SLC22A31: variants seen among roughly 807,000 people sequenced by gnomAD.
The protein encoded by SLC22A31 is solute carrier family 22 member 31.
A neutral mutation model predicts 27.4 loss-of-function variants in SLC22A31; 42 were observed. The observed-to-expected ratio is 1.53, with a 90% CI of 1.20 to 1.98. The LOEUF (loss-of-function observed/expected upper bound fraction) is 1.98. Ranked by LOEUF, SLC22A31 falls within the 30% of genes most tolerant of loss-of-function variation. The pLI is 0.00. For missense variants in SLC22A31, 593 were observed against 479.9 expected, an observed-to-expected ratio of 1.24 and a Z score of -2.20; for synonymous variants, 290 against 230.8, an observed-to-expected ratio of 1.26 and a Z score of -2.33.
At chr16:89,201,647 C>A (rs957559653), upstream of SLC22A31, 13 of 397,444 alleles carry the variant, frequency 3.3e-5, no homozygotes, top group Non-Finnish European at 2.7e-5. Context: ...CTCTCAGCAC[C>A]CGCGCCTCCT....
Position 89,198,497 on chromosome 16 carries a change from CCAGT to C in SLC22A31, c.648_651del (p.Leu217GlyfsTer60). 3 of 1,518,584 alleles carry C rather than the reference CCAGT, an allele frequency of 2.0e-6. No homozygotes were observed. Among genetic ancestry groups the C allele is most frequent in the Non-Finnish European group, 2.6e-6 (3 of 1,137,416 alleles). 94.1% of individuals were successfully genotyped at this position (1,518,584 alleles called of 1,614,324 possible). ...CAGGTGACTCGGGTACGCAGAAGCC[CCAGT>C]GGGGAGTGGTACCGGGGCTGGGGGC... is the stretch of plus-strand genomic sequence containing the variant. On this transcript the variant is annotated frameshift_variant, in exon 6 of 9. Transcript: ENST00000682282. LOFTEE classifies it high-confidence loss of function.
rs1424568834 is a variant in SLC22A31 at position 89,198,570 on chromosome 16, A to T, written c.599-20T>A. ...TCAGCTCTGTAGCCGCAGAGATGTG[A>T]GGGGAGGGGGGTGAGGAGCTGTGCC... On this transcript the variant is annotated intron_variant, in intron 5 of 8. Coordinates refer to ENST00000682282, the MANE Select transcript of SLC22A31 (RefSeq NM_001384763.1). 1 of 1,512,608 alleles carries T rather than the reference A, an allele frequency of 6.6e-7. No individual in the cohort carries two copies. The highest frequency in any genetic ancestry group is 2.0e-5 in the Admixed American group (1 of 49,936). 93.7% of individuals were successfully genotyped at this position (1,512,608 alleles called of 1,614,324 possible). A position where few individuals can be genotyped will look rare whatever the true frequency, so the allele number is the denominator to read the frequency against.
rs142843064 is a variant in SLC22A31 at position 89,198,697 on chromosome 16, C to T, written c.553G>A (p.Val185Met). The stretch of plus-strand genomic sequence containing the variant: ...TCCAAGGAACTGTCCCCGGGGCCCA[C>T]GCCACTGGCTTCTGCAAAGCGCCAC... ...ILWRFAEASG[V>M]GPGDSSLEEN... is the part of the protein sequence containing the mutation. Residue 185 changes from valine to methionine, a missense_variant, in exon 5 of 9, where the codon GTG (valine) becomes ATG (methionine). Val to Met is a conservative substitution (Grantham distance 21, BLOSUM62 1). Transcript: ENST00000682282. The T allele has an allele frequency of 2.9e-4, 441 of 1,535,782 alleles. 2 individuals are homozygous for T. The East Asian group carries it at 8.2e-3, about 29-fold the overall frequency.
At position 89,195,761 on chromosome 16, in the gene SLC22A31, T is replaced by G. The variant is rs1915820713; in HGVS notation, c.*238A>C. ...GGGAAGAACCAGGGAGGACGCCAAGTTCCACAGAAGCCTTTATCCTCCACA... is the reference window on the plus strand; with the variant it reads ...GGGAAGAACCAGGGAGGACGCCAAGGTCCACAGAAGCCTTTATCCTCCACA... On this transcript the variant is annotated 3_prime_UTR_variant, in exon 9 of 9. Coordinates refer to ENST00000682282, the MANE Select transcript of SLC22A31 (RefSeq NM_001384763.1). The G allele has an allele frequency of 4.4e-6, 2 of 451,118 alleles. No individual in the cohort carries two copies. Among genetic ancestry groups the G allele is most frequent in the Non-Finnish European group, 3.9e-6 (1 of 259,616 alleles). The allele number at this position is 451,118 out of a possible 1,614,324, so 27.9% of individuals were successfully genotyped here. A position where few individuals can be genotyped will look rare whatever the true frequency, so the allele number is the denominator to read the frequency against.
At position 89,199,007 on chromosome 16, in the gene SLC22A31, C is replaced by T; in HGVS notation, c.452+16G>A. On this transcript the variant is annotated intron_variant, in intron 4 of 8. Transcript: ENST00000682282. Reference sequence around the variant, plus strand: ...GCCCCGATGAGGGCTGCTGGCCCAGCTCCCACCACACTTACCCCCAAAAGA... The same window carrying T: ...GCCCCGATGAGGGCTGCTGGCCCAGTTCCCACCACACTTACCCCCAAAAGA... 2 of 1,533,198 alleles carry T rather than the reference C, an allele frequency of 1.3e-6. No individual in the cohort carries two copies. Among genetic ancestry groups the T allele is most frequent in the South Asian group, 1.2e-5 (1 of 83,884 alleles). The allele number at this position is 1,533,198 out of a possible 1,614,324, so 95.0% of individuals were successfully genotyped here. A position where few individuals can be genotyped will look rare whatever the true frequency, so the allele number is the denominator to read the frequency against.
Position 89,198,447 on chromosome 16 carries a change from G to A in SLC22A31, c.702C>T (p.Phe234=). 2.0e-6 allele frequency: 3 copies of A among 1,517,804 alleles called. No individual in the cohort carries two copies. Among genetic ancestry groups the A allele is most frequent in the Non-Finnish European group, 2.6e-6 (3 of 1,136,778 alleles). 94.0% of individuals were successfully genotyped at this position (1,517,804 alleles called of 1,614,324 possible). Residue 234 remains phenylalanine (F), a synonymous_variant, in exon 6 of 9, where the codon TTC becomes TTT. Coordinates refer to ENST00000682282, the MANE Select transcript of SLC22A31 (RefSeq NM_001384763.1). ...CCAGCCCTTCCTCGACTCACGAGCT[G>A]AAGCCCAAGATAAGCCCGTTTCTCC... ...VTWRNGLILG[F]SSLVGGGIRA... is the part of the protein sequence containing the mutation.
intron 8 of SLC22A31, 193 bp from the exon 9 acceptor site, chr16:89,196,498 G>T: frequency 1.9e-6 from 2 of 1,044,712 alleles, no homozygotes; most frequent in Non-Finnish European, 2.7e-6. Flanking sequence ...GGGGCAGCTG[G>T]TGGGGCAACA....
At chr16:89,199,329 CG>C in intron 3 of SLC22A31, 83 bp downstream of exon 3, 1 of 879,578 alleles carries the variant, frequency 1.1e-6, no homozygotes, top group Non-Finnish European at 1.7e-6. Flanking sequence ...CCCTGCAGCT[CG>C]GGGCCCTCGG....
intron 4 of SLC22A31, 66 bp downstream of exon 4, chr16:89,198,957 G>T (rs957585159): frequency 1.3e-5 from 19 of 1,511,408 alleles, no homozygotes; most frequent in East Asian, 1.2e-4. Flanking sequence ...GGGATACGTC[G>T]GTGCAGAGGG....
At chr16:89,196,535 G>T in intron 8 of SLC22A31, 1 of 725,870 alleles carries the variant, frequency 1.4e-6, no homozygotes, top group Non-Finnish European at 2.2e-6. Flanking sequence ...TGTGACTCCA[G>T]AGTGAGCAGG....
At chr16:89,198,399 A>C (rs1265695306) in intron 6 of SLC22A31, 43 bp downstream of exon 6, 28 of 1,528,196 alleles carry the variant, frequency 1.8e-5, no homozygotes, top group Non-Finnish European at 2.3e-5. Flanking sequence ...CCATATGCCC[A>C]CCCCGGGGGA....
chr16:89,199,596 C>G (rs1916353636), intron 2 of SLC22A31, 29 bp from the exon 3 acceptor site: 1 of 434,818 alleles, frequency 2.3e-6, no homozygotes, highest in Non-Finnish European at 4.1e-6. Context: ...CATGCTTGGA[C>G]AGGGTCAGGA....
rs572995617 is a variant in SLC22A31, at chr16:89,198,280, G to C, written c.764C>G (p.Pro255Arg). 7 of 1,535,932 alleles carry C rather than the reference G, an allele frequency of 4.6e-6. No homozygotes were observed. Among genetic ancestry groups the C allele is most frequent in the East Asian group, 2.4e-5 (1 of 40,918 alleles). Residue 255 changes from proline to arginine, a missense_variant, in exon 7 of 9, where the codon CCG becomes CGG. Transcript: ENST00000682282. ...SFRRSLAPQV[P>R]TFYLPYFLEA... is the part of the protein sequence containing the mutation. Reference sequence around the variant, plus strand: ...CAGGAAGTAGGGCAGGTAGAAGGTCGGCACCTGAGGTGCCAGGCTGCGGCG... The same window carrying C: ...CAGGAAGTAGGGCAGGTAGAAGGTCCGCACCTGAGGTGCCAGGCTGCGGCG...
rs990719403 is a variant in SLC22A31 at position 89,196,088 on chromosome 16, G to T, written c.1252C>A (p.Leu418Ile). The change falls in exon 9 of 9, where the codon CTC (leucine) becomes ATC (isoleucine). Residue 418 changes from leucine (L) to isoleucine (I), a missense_variant. Physicochemically the swap from Leu to Ile is conservative, Grantham distance 5. Coordinates refer to ENST00000682282, the MANE Select transcript of SLC22A31 (RefSeq NM_001384763.1). ...QDADRLRRSPLLRGRPRQDHL... is the reference protein window; with the variant it reads ...QDADRLRRSPILRGRPRQDHL... Reference sequence around the variant, plus strand: ...TCCTGGCGGGGGCGGCCCCGCAGGAGTGGGGAGCGGCGCAGGCGGTCGGCG... The same window carrying T: ...TCCTGGCGGGGGCGGCCCCGCAGGATTGGGGAGCGGCGCAGGCGGTCGGCG... 5.2e-6 allele frequency: 8 copies of T among 1,533,266 alleles called. No homozygotes were observed. The highest frequency in any genetic ancestry group is 6.1e-6 in the Non-Finnish European group (7 of 1,146,064). 95.0% of individuals were successfully genotyped at this position (1,533,266 alleles called of 1,614,324 possible). A position where few individuals can be genotyped will look rare whatever the true frequency, so the allele number is the denominator to read the frequency against.
At chr16:89,201,056 C>G (rs1916559468), upstream of SLC22A31, 1 of 366,152 alleles carries the variant, frequency 2.7e-6, no homozygotes, top group African/African-American at 2.1e-5. Context: ...CCAGATTCAG[C>G]CCCCGCCCGG....
intron 7 of SLC22A31, 120 bp from the exon 8 acceptor site, chr16:89,197,529 TC>T (rs1357585291): frequency 5.9e-6 from 4 of 673,840 alleles, no homozygotes; most frequent in Admixed American, 2.8e-5. Flanking sequence ...AGCCTCCTTT[TC>T]CAGCCCCCCT....
chr16:89,201,407 G>A (rs1223775372), upstream of SLC22A31: 2 of 373,356 alleles, frequency 5.4e-6, no homozygotes, highest in Admixed American at 9.2e-5. Context: ...GCAGGAGCAG[G>A]CAGGGGCTCG....
chr16:89,196,386 C>A lies in SLC22A31; in HGVS notation c.1035-81G>T, dbSNP rs1169336260. On this transcript the variant is annotated intron_variant, in intron 8 of 8. Transcript: ENST00000682282. ...CCAGCACCAGGCCCAGCCCGGCCCC[C>A]CTGTGGGACAGAGTGTGTTGGGGGC... 5.4e-5 allele frequency: 43 copies of A among 801,276 alleles called. No homozygotes were observed. The South Asian group carries it at 6.4e-4, about 12-fold the overall frequency. 49.6% of individuals were successfully genotyped at this position (801,276 alleles called of 1,614,324 possible).
rs1196692656 is a variant in SLC22A31, at chr16:89,195,987, C to T, written c.*12G>A. 6.8e-7 allele frequency: 1 copy of T among 1,473,644 alleles called. No homozygotes were observed. The highest frequency in any genetic ancestry group is 9.0e-7 in the Non-Finnish European group (1 of 1,115,758). 91.3% of individuals were successfully genotyped at this position (1,473,644 alleles called of 1,614,324 possible). On this transcript the variant is annotated 3_prime_UTR_variant, in exon 9 of 9. Transcript: ENST00000682282. ...TTGGTCCCATCCTGGCTCCCAGGGC[C>T]ACCAGGCAGGACTAGTGCTGCTCGG...
Sources: gnomAD v4.1 joint callset for allele counts on GRCh38, gnomAD v4.1.1 for gene constraint, MANE v1.5 for transcripts, NCBI Gene and HGNC (gene_info 2026-07-23, HGNC 2026-07-21) for gene names.